Variants in NRAP observed in about 807,000 individuals in gnomAD.
The protein encoded by NRAP is nebulin-related-anchoring protein.
In NRAP, 189 loss-of-function variants were observed where a neutral mutation model predicts 225.9. The ratio of observed to expected loss-of-function variants is 0.84; its 90% CI spans 0.74 to 0.94. NRAP has a LOEUF of 0.94. Among genes scored for constraint, NRAP ranks in the 40% least tolerant of loss-of-function variants. The pLI is 0.00. For synonymous variants in NRAP, 769 were observed against 790.7 expected (o/e 0.97, Z 0.46); for missense variants, 2,176 against 2,168.7 (o/e 1.00, Z -0.07).
Position 113,629,590 on chromosome 10 carries a change from C to T in NRAP, c.2038G>A (p.Glu680Lys), listed in dbSNP as rs772352700. The T allele has an allele frequency of 1.1e-5, 18 of 1,601,544 alleles. No individual in the cohort carries two copies. The highest frequency in any genetic ancestry group is 3.3e-5 in the South Asian group (3 of 90,814). ...WAKKAYGLQSELQYKADLAWM... is the reference protein window; with the variant it reads ...WAKKAYGLQSKLQYKADLAWM... The stretch of plus-strand genomic sequence containing the variant: ...GAACTGATAATGTGTGGGCTCACCT[C>T]GCTCTGGAGCCCATAGGCCTTCTTG... Residue 680 changes from glutamate to lysine, a missense_variant and splice_region_variant, in exon 19 of 42, where the codon GAG becomes AAG. This residue lies in a region of NRAP where 1,708 missense variants were observed against 1,695.5 expected (regional missense o/e 1.01). Transcript: ENST00000359988.
Position 113,610,546 on chromosome 10 carries a change from G to A in NRAP, c.3516C>T (p.Asp1172=), listed in dbSNP as rs1310588293. The A allele has an allele frequency of 6.3e-7, 1 of 1,591,226 alleles. No homozygotes were observed. Among genetic ancestry groups the A allele is most frequent in the East Asian group, 2.2e-5 (1 of 44,700 alleles). The change falls in exon 31 of 42, where the codon GAC becomes GAT. Residue 1172 remains aspartate, a synonymous_variant. Transcript: ENST00000359988. ...ATGCAACACCTCGCATAAAGTTCAG[G>A]TCTGACCGGTACAAATTCTAGAAGA... ...KLQSENLYRS[D]LNFMRGVACV... is the part of the protein sequence containing the mutation.
rs758950263 is a variant in NRAP, at chr10:113,605,757, C to A, written c.3915+5G>T. The A allele has an allele frequency of 6.3e-7, 1 of 1,581,576 alleles. No individual in the cohort carries two copies. Among genetic ancestry groups the A allele is most frequent in the Non-Finnish European group, 8.7e-7 (1 of 1,150,638 alleles). Reference sequence around the variant, plus strand: ...CAAGATGGAAGGTCATATCATTCAACTCACATCACTGGCTATATCTCCAGA... The same window carrying A: ...CAAGATGGAAGGTCATATCATTCAAATCACATCACTGGCTATATCTCCAGA... On this transcript the variant is annotated splice_donor_5th_base_variant and intron_variant, in intron 34 of 41. Transcript: ENST00000359988.
In NRAP at chr10:113,626,134, C is replaced by T. The variant is rs1329801839; in HGVS notation, c.2157G>A (p.Arg719=). 6.2e-7 allele frequency: 1 copy of T among 1,605,724 alleles called. No homozygotes were observed. The highest frequency in any genetic ancestry group is 8.5e-7 in the Non-Finnish European group (1 of 1,176,134). The change falls in exon 21 of 42, where the codon CGG becomes CGA. Residue 719 remains arginine, a synonymous_variant. Transcript: ENST00000359988. ...TGAACTTCAGCTCATCGACCCTCTG[C>T]CGGTAGTTTTTCTGTTTCCAAAGGA... ...AGQLVSEKNY[R]QRVDELKFTS... is the part of the protein sequence containing the mutation.
chr10:113,644,735 C>T (rs973204256), intron 11 of NRAP, among the ~76,000 whole-genome samples: 1 of 152,132 alleles, frequency 6.6e-6, no homozygotes, highest in Admixed American at 6.5e-5. Flanking sequence ...TAGAGGATCA[C>T]GGGTTAACTA....
At chr10:113,630,642 T>A (rs1424180227) in intron 18 of NRAP, among the ~76,000 whole-genome samples, 1 of 152,192 alleles carries the variant, frequency 6.6e-6, no homozygotes, top group African/African-American at 2.4e-5. Flanking sequence ...CTGCTCCAAC[T>A]GCAAATATGA....
At chr10:113,632,502 T>C (rs767227893) in intron 16 of NRAP, among the ~76,000 whole-genome samples, 44 of 152,326 alleles carry the variant, frequency 2.9e-4, no homozygotes, top group Non-Finnish European at 5.7e-4. Context: ...GTTACATAAA[T>C]TTAAAAAATG....
Position 113,595,888 on chromosome 10 carries a change from T to A in NRAP, c.4432-161A>T, listed in dbSNP as rs369401329. On this transcript the variant is annotated intron_variant, in intron 37 of 41. Transcript: ENST00000359988. Reference sequence around the variant, plus strand: ...ACAGTGTCCCTCCAGAACCCACAATTTGATGGAAGATGCCTTTATAGCCAG... The same window carrying A: ...ACAGTGTCCCTCCAGAACCCACAATATGATGGAAGATGCCTTTATAGCCAG... Among the ~76,000 whole-genome samples, 21 of 152,192 alleles carry A rather than the reference T, an allele frequency of 1.4e-4. No individual in the cohort carries two copies. In the East Asian group the frequency reaches 1.5e-3, roughly 11 times the overall value.
intron 40 of NRAP, 129 bp from the exon 41 acceptor site, chr10:113,589,926 C>T: frequency 9.7e-7 from 1 of 1,031,140 alleles, no homozygotes; most frequent in East Asian, 2.5e-5. Flanking sequence ...AAAGCCAGAA[C>T]AAGGGGAACA....
At chr10:113,625,074 G>A in intron 21 of NRAP, 144 bp from the exon 22 acceptor site, 1 of 605,498 alleles carries the variant, frequency 1.7e-6, no homozygotes, top group Non-Finnish European at 3.0e-6. Flanking sequence ...CAGACTCTGA[G>A]TGGCAGGATA....
intron 36 of NRAP, among the ~76,000 whole-genome samples, chr10:113,597,546 T>C (rs1266430450): frequency 6.6e-6 from 1 of 152,138 alleles, no homozygotes; most frequent in African/African-American, 2.4e-5. Context: ...TTCGAGGGAA[T>C]TCCAGGGCAG....
chr10:113,664,018 T>C lies in NRAP; in HGVS notation c.-136A>G. The C allele has an allele frequency of 3.0e-6, 2 of 673,236 alleles. No homozygotes were observed. The highest frequency in any genetic ancestry group is 1.7e-5 in the South Asian group (1 of 57,398). 41.7% of individuals were successfully genotyped at this position (673,236 alleles called of 1,614,324 possible). Reference sequence around the variant, plus strand: ...CACCTCGATCTTTCAGAATCCAACTTCCACTTTCCTTTGCTGACCTTCTAG... The same window carrying C: ...CACCTCGATCTTTCAGAATCCAACTCCCACTTTCCTTTGCTGACCTTCTAG... On this transcript the variant is annotated 5_prime_UTR_variant, in exon 1 of 42. Coordinates refer to ENST00000359988, the MANE Select transcript of NRAP (RefSeq NM_198060.4).
chr10:113,629,964 G>A (rs1848492746), intron 18 of NRAP, among the ~76,000 whole-genome samples, 179 bp from the exon 19 acceptor site: 1 of 152,170 alleles, frequency 6.6e-6, no homozygotes, highest in Admixed American at 6.5e-5. Flanking sequence ...CATCATGAGG[G>A]AGCTGAGGTT....
Position 113,614,241 on chromosome 10 carries a change from C to T in NRAP, c.3242G>A (p.Ser1081Asn), listed in dbSNP as rs538560117. The T allele has an allele frequency of 1.9e-6, 3 of 1,614,158 alleles. No individual in the cohort carries two copies. Among genetic ancestry groups the T allele is most frequent in the African/African-American group, 2.7e-5 (2 of 75,050 alleles). ...TGCAAGGCTGATATCATCTTCCAAG[C>T]TCCGGGAACCAAGCATCTGTCCTTT... ...KMKGQMLGSR[S>N]LEDDISLAHS... The change falls in exon 29 of 42, where the codon AGC becomes AAC. Residue 1081 changes from serine (S) to asparagine (N), a missense_variant. Physicochemically the swap from Ser to Asn is conservative, Grantham distance 46. Coordinates refer to ENST00000359988, the MANE Select transcript of NRAP (RefSeq NM_198060.4).
intron 20 of NRAP, among the ~76,000 whole-genome samples, chr10:113,628,060 G>A (rs986518190): frequency 6.6e-6 from 1 of 152,178 alleles, no homozygotes; most frequent in African/African-American, 2.4e-5. Flanking sequence ...ACTTCCAAAC[G>A]AAATGTCCTT....
rs11575690 is a variant in NRAP, at chr10:113,590,174, T to C, written c.4957-377A>G. On this transcript the variant is annotated intron_variant, in intron 40 of 41. Transcript: ENST00000359988. Reference sequence around the variant, plus strand: ...GGCTGGGTTAATAGCTAAGATCCCTTGGAAACAGTTTAGCATAGCCATCGA... The same window carrying C: ...GGCTGGGTTAATAGCTAAGATCCCTCGGAAACAGTTTAGCATAGCCATCGA... 1.0e-2 allele frequency among the ~76,000 whole-genome samples: 1,521 copies of C among 152,228 alleles called. 14 individuals are homozygous for C. Among genetic ancestry groups the C allele is most frequent in the Admixed American group, 0.015 (236 of 15,284 alleles).
At chr10:113,654,249 A>C in intron 4 of NRAP, 124 bp from the exon 5 acceptor site, 1 of 610,012 alleles carries the variant, frequency 1.6e-6, no homozygotes, top group South Asian at 2.5e-5. Flanking sequence ...CCTGGGTCTC[A>C]GCTAACTGAA....
rs547664372 is a variant in NRAP, at chr10:113,602,680, G to T, written c.4227+1929C>A. Among the ~76,000 whole-genome samples the T allele has an allele frequency of 2.0e-5, 3 of 152,306 alleles. No individual in the cohort carries two copies. The South Asian group carries it at 6.2e-4, about 32-fold the overall frequency. On this transcript the variant is annotated intron_variant, in intron 35 of 41. Coordinates refer to ENST00000359988, the MANE Select transcript of NRAP (RefSeq NM_198060.4). ...ATGTGTTTAGAATACCCCACTTGTT[G>T]CTATCGACAATTAATCTAGCAGTAG...
At chr10:113,637,791 G>A (rs547257404) in intron 14 of NRAP, among the ~76,000 whole-genome samples, 29 of 152,112 alleles carry the variant, frequency 1.9e-4, no homozygotes, top group Middle Eastern at 3.4e-3. Context: ...GCGTGGTGGC[G>A]CATGCCTGTA....
rs553910001 is a variant in NRAP at position 113,590,915 on chromosome 10, A to G, written c.4645-26T>C. ...CTGCAAGTCAGAGGAGCAGAGGCAG[A>G]TCATGGGTGCCTACCTCCCCCAGGA... is the stretch of plus-strand genomic sequence containing the variant. On this transcript the variant is annotated intron_variant, in intron 39 of 41. Transcript: ENST00000359988. 30 of 1,602,776 alleles carry G rather than the reference A, an allele frequency of 1.9e-5. No individual in the cohort carries two copies. The South Asian group carries it at 2.4e-4, about 13-fold the overall frequency.
Sources: allele counts gnomAD v4.1 joint callset (sites outside exome capture counted in the v4.1 genomes callset), GRCh38; gene constraint gnomAD v4.1.1; regional missense constraint gnomAD v4.1.1; transcripts MANE v1.5; gene names NCBI Gene and HGNC (gene_info 2026-07-23, HGNC 2026-07-21).